The following CNGB3 variants were observed in gnomAD, a reference collection of about 807,000 sequenced individuals.
CNGB3 encodes the protein cyclic nucleotide gated channel subunit beta 3.
A neutral mutation model predicts 92.8 loss-of-function variants in CNGB3; 86 were observed. The observed-to-expected ratio is 0.93, with a 90% confidence interval of 0.78 to 1.11. The LOEUF (loss-of-function observed/expected upper bound fraction) is 1.11. Among genes scored for constraint, CNGB3 ranks in the 50% least tolerant of loss-of-function variants. The probability of loss-of-function intolerance (pLI) is 0.00; values close to 1 mark genes in which losing one functional copy is unlikely to be tolerated. For missense variants in CNGB3, 1,026 were observed against 956.8 expected, an observed-to-expected ratio of 1.07 and a Z score of -0.95; for synonymous variants, 333 against 332.7, an observed-to-expected ratio of 1.00 and a Z score of -0.01.
intron 15 of CNGB3, among the ~76,000 whole-genome samples, chr8:86,590,617 A>G (rs1822006920): frequency 6.6e-6 from 1 of 151,866 alleles, no homozygotes; most frequent in South Asian, 2.1e-4. Context: ...TTGGCTGGAT[A>G]TGAAATTCTT....
intron 6 of CNGB3, among the ~76,000 whole-genome samples, chr8:86,662,149 C>T (rs1051234789): frequency 1.3e-5 from 2 of 152,334 alleles, no homozygotes; most frequent in East Asian, 1.9e-4. Flanking sequence ...AGCCGCACAC[C>T]GCAACCCGTA....
At chr8:86,588,161 A>G (rs1821936642) in intron 15 of CNGB3, among the ~76,000 whole-genome samples, 1 of 146,868 alleles carries the variant, frequency 6.8e-6, no homozygotes. Flanking sequence ...GTGTATAGGA[A>G]TGCTTGTGAT....
At chr8:86,615,726 C>T (rs1166904782) in intron 13 of CNGB3, among the ~76,000 whole-genome samples, 1 of 151,718 alleles carries the variant, frequency 6.6e-6, no homozygotes, top group East Asian at 1.9e-4. Flanking sequence ...AGTATGATTC[C>T]ACCTACAAAA....
intron 15 of CNGB3, among the ~76,000 whole-genome samples, chr8:86,593,140 A>T (rs1475506573): frequency 6.6e-6 from 1 of 152,222 alleles, no homozygotes; most frequent in African/African-American, 2.4e-5. Flanking sequence ...GAGAGTTTAG[A>T]TATTACAGAT....
chr8:86,628,713 C>A (rs890887571), intron 12 of CNGB3, among the ~76,000 whole-genome samples: 1 of 151,794 alleles, frequency 6.6e-6, no homozygotes, highest in Admixed American at 6.6e-5. Flanking sequence ...TAAAATTTAG[C>A]CTTTTCTCTT....
chr8:86,722,485 A>G (rs576063542), intron 3 of CNGB3, among the ~76,000 whole-genome samples: 171 of 152,272 alleles, frequency 1.1e-3, no homozygotes, highest in African/African-American at 4.0e-3. Flanking sequence ...CTTTATGTAC[A>G]TAATGGAGAT....
intron 6 of CNGB3, chr8:86,662,013 A>G (rs1823650005): frequency 2.6e-6 from 1 of 385,938 alleles, no homozygotes; most frequent in African/African-American, 2.1e-5. Context: ...CAATGTGTAA[A>G]TATTCAGGAG....
chr8:86,680,220 A>C (rs1222107777), intron 3 of CNGB3, among the ~76,000 whole-genome samples: 1 of 152,234 alleles, frequency 6.6e-6, no homozygotes, highest in Non-Finnish European at 1.5e-5. Flanking sequence ...AATGTTGTGA[A>C]AACTCTACAA....
intron 3 of CNGB3, among the ~76,000 whole-genome samples, chr8:86,677,383 C>A (rs902724287): frequency 6.6e-6 from 1 of 152,058 alleles, no homozygotes; most frequent in Non-Finnish European, 1.5e-5. Context: ...AAACTTGAGT[C>A]GTAAGTTAAG....
chr8:86,739,395 G>T (rs546445003), intron 2 of CNGB3, among the ~76,000 whole-genome samples: 124 of 152,282 alleles, frequency 8.1e-4, no homozygotes, highest in Non-Finnish European at 1.3e-3. Flanking sequence ...CTCTGCCCAT[G>T]TTGCTCATTA....
chr8:86,706,277 T>C (rs2131652846), intron 3 of CNGB3, among the ~76,000 whole-genome samples: 1 of 152,334 alleles, frequency 6.6e-6, no homozygotes, highest in African/African-American at 2.4e-5. Flanking sequence ...TCTCTTCCCC[T>C]TAGATTAATG....
chr8:86,697,590 T>C (rs1189590608), intron 3 of CNGB3, among the ~76,000 whole-genome samples: 1 of 152,268 alleles, frequency 6.6e-6, no homozygotes, highest in Non-Finnish European at 1.5e-5. Context: ...AATTGGACTT[T>C]AAAAAAATTT....
chr8:86,708,945 C>G (rs777526675), intron 3 of CNGB3, among the ~76,000 whole-genome samples: 4 of 152,032 alleles, frequency 2.6e-5, no homozygotes, highest in Non-Finnish European at 5.9e-5. Context: ...GTAACTGTTT[C>G]GAATAAATTT....
intron 3 of CNGB3, among the ~76,000 whole-genome samples, chr8:86,724,188 T>TA (rs1406569847): frequency 6.6e-6 from 1 of 152,086 alleles, no homozygotes; most frequent in South Asian, 2.1e-4. Context: ...AAATAACACT[T>TA]AAAAAAAGTC....
At chr8:86,697,582 T>C (rs1302212263) in intron 3 of CNGB3, among the ~76,000 whole-genome samples, 1 of 152,234 alleles carries the variant, frequency 6.6e-6, no homozygotes, top group Non-Finnish European at 1.5e-5. Context: ...ATAATATTAA[T>C]TGGACTTTAA....
chr8:86,610,060 A>C (rs977827865), intron 14 of CNGB3, among the ~76,000 whole-genome samples: 2 of 152,196 alleles, frequency 1.3e-5, no homozygotes, highest in Admixed American at 6.5e-5. Context: ...CTCTCGCATG[A>C]AGCCAGTGGT....
At chr8:86,596,673 G>T (rs553186025) in intron 15 of CNGB3, among the ~76,000 whole-genome samples, 4 of 152,298 alleles carry the variant, frequency 2.6e-5, no homozygotes, top group South Asian at 4.2e-4. Flanking sequence ...ACCCCTTGGT[G>T]CCTGTGTAAA....
intron 8 of CNGB3, among the ~76,000 whole-genome samples, chr8:86,645,376 A>G (rs1434731734): frequency 2.6e-5 from 4 of 151,262 alleles, no homozygotes; most frequent in Non-Finnish European, 5.9e-5. Flanking sequence ...TATGGAATCC[A>G]GAGCAAAATG....
intron 3 of CNGB3, among the ~76,000 whole-genome samples, chr8:86,712,273 T>C (rs1473277675): frequency 6.6e-6 from 1 of 152,164 alleles, no homozygotes; most frequent in Non-Finnish European, 1.5e-5. Flanking sequence ...TTATGATTTG[T>C]TTTGTAATGC....
Sources: gnomAD v4.1 joint callset for allele counts (sites outside exome capture counted in the v4.1 genomes callset) on GRCh38, gnomAD v4.1.1 for gene constraint, MANE v1.5 for transcripts, NCBI Gene and HGNC (gene_info 2026-07-23, HGNC 2026-07-21) for gene names.